BARD1: variants seen among roughly 807,000 people sequenced by gnomAD.
BARD1 encodes the protein BRCA1-associated RING domain protein 1.
Under a neutral mutation model 77.0 loss-of-function variants are expected in BARD1, and 73 were observed. The ratio of observed to expected loss-of-function variants is 0.95; its 90% CI spans 0.79 to 1.15. The LOEUF is 1.15. Ranked by LOEUF, BARD1 falls within the 50% of genes most tolerant of loss-of-function variation. The probability of loss-of-function intolerance (pLI) is 0.00; values close to 1 mark genes in which losing one functional copy is unlikely to be tolerated. For synonymous variants in BARD1, 384 were observed against 338.0 expected (o/e 1.14, Z -1.49); for missense variants, 993 against 938.8 (o/e 1.06, Z -0.75).
intron 2 of BARD1, among the ~76,000 whole-genome samples, chr2:214,795,673 T>G (rs1048341289): frequency 1.3e-5 from 2 of 151,708 alleles, no homozygotes; most frequent in African/African-American, 4.8e-5. Flanking sequence ...AGAAAAAAGG[T>G]GGAAAAATTC....
At chr2:214,774,730 C>T (rs1205258975) in intron 4 of BARD1, among the ~76,000 whole-genome samples, 1 of 152,190 alleles carries the variant, frequency 6.6e-6, no homozygotes, top group African/African-American at 2.4e-5. Context: ...ACACAGATGG[C>T]ATATTCTTCC....
chr2:214,790,186 G>A lies in BARD1; in HGVS notation c.364+2111C>T, dbSNP rs192230185. 1.6e-4 allele frequency among the ~76,000 whole-genome samples: 24 copies of A among 152,038 alleles called. 1 individual carries two copies. The highest frequency in any genetic ancestry group is 8.5e-4 in the Admixed American group (13 of 15,274). On this transcript the variant is annotated intron_variant, in intron 3 of 10. Coordinates refer to ENST00000260947, the MANE Select transcript of BARD1 (RefSeq NM_000465.4). Reference sequence around the variant, plus strand: ...CCTATGGTATGCCATAACTGACAACGGTAAATCCATCAAGGGTTACCCTGC... The same window carrying A: ...CCTATGGTATGCCATAACTGACAACAGTAAATCCATCAAGGGTTACCCTGC...
At chr2:214,778,608 C>A (rs1453937978) in intron 4 of BARD1, among the ~76,000 whole-genome samples, 1 of 152,068 alleles carries the variant, frequency 6.6e-6, no homozygotes, top group Non-Finnish European at 1.5e-5. Flanking sequence ...CATGCCTAGA[C>A]CAAGAGTAGG....
chr2:214,731,208 T>C lies in BARD1; in HGVS notation c.1904-700A>G, dbSNP rs1197813537. 1.5e-5 allele frequency: 3 copies of C among 201,606 alleles called. No individual in the cohort carries two copies. In the East Asian group the frequency reaches 3.7e-4, roughly 25 times the overall value. The allele number at this position is 201,606 out of a possible 1,614,324, so 12.5% of individuals were successfully genotyped here. A position where few individuals can be genotyped will look rare whatever the true frequency, so the allele number is the denominator to read the frequency against. ...GCTTCAGGTTAAAAAGCAAAAGCAA[T>C]AGAGACAGCTCAGCCTGGCACTGTT... On this transcript the variant is annotated intron_variant, in intron 9 of 10. Transcript: ENST00000260947.
At chr2:214,750,265 C>A (rs1693344435) in intron 7 of BARD1, among the ~76,000 whole-genome samples, 1 of 152,160 alleles carries the variant, frequency 6.6e-6, no homozygotes, top group Admixed American at 6.5e-5. Context: ...TCCCAATCAG[C>A]CTTCAGTCTC....
chr2:214,738,784 C>T (rs769862644), intron 9 of BARD1, among the ~76,000 whole-genome samples: 1 of 152,142 alleles, frequency 6.6e-6, no homozygotes, highest in Non-Finnish European at 1.5e-5. Flanking sequence ...ATTAACTCTG[C>T]ATGGAAAGCC....
At chr2:214,751,091 G>C (rs1340600148) in intron 7 of BARD1, among the ~76,000 whole-genome samples, 83 of 5,606 alleles carry the variant, frequency 0.015, 3 homozygotes, top group Admixed American at 0.067. Context: ...GTGTGTGTGT[G>C]TGTGTGTGTG....
Position 214,728,501 on chromosome 2 carries a change from G to A in BARD1, c.*175C>T, listed in dbSNP as rs1411601106. ...TTAAAAGCAATCCCAGCTTCTAAATGGTAAACATAACATGAATTCCTAATC... is the reference window on the plus strand; with the variant it reads ...TTAAAAGCAATCCCAGCTTCTAAATAGTAAACATAACATGAATTCCTAATC... On this transcript the variant is annotated 3_prime_UTR_variant, in exon 11 of 11. Transcript: ENST00000260947. The A allele has an allele frequency of 1.2e-5, 8 of 667,782 alleles. No homozygotes were observed. In the South Asian group the frequency reaches 1.2e-4, roughly 10 times the overall value. 41.4% of individuals were successfully genotyped at this position (667,782 alleles called of 1,614,324 possible).
In BARD1 at chr2:214,767,652, A is replaced by T; in HGVS notation, c.1398T>A (p.His466Gln). 1 of 1,613,912 alleles carries T rather than the reference A, an allele frequency of 6.2e-7. No homozygotes were observed. ...TCAGGTGCCCATGATTGCAAGCTTC[A>T]TGCTAATTAAATTTTTTGAAAAAGA... ...VKDHAGWTPLHEACNHGHLKV... is the reference protein window; with the variant it reads ...VKDHAGWTPLQEACNHGHLKV... The change falls in exon 6 of 11, where the codon CAT (histidine) becomes CAA (glutamine). Residue 466 changes from histidine to glutamine, a missense_variant and splice_region_variant. Transcript: ENST00000260947.
intron 10 of BARD1, 60 bp from the exon 11 acceptor site, chr2:214,729,068 G>A: frequency 1.4e-6 from 2 of 1,472,900 alleles, no homozygotes; most frequent in Non-Finnish European, 1.9e-6. Flanking sequence ...CAAAAACACT[G>A]TATATGAATG....
chr2:214,780,803 T>G lies in BARD1; in HGVS notation c.1071A>C (p.Ile357=), dbSNP rs786202366. The change falls in exon 4 of 11, where the codon ATA becomes ATC. Residue 357 remains isoleucine (I), a synonymous_variant. Transcript: ENST00000260947. ...FVKQTVPSEN[I]PLPECSSPPS... is the part of the protein sequence containing the mutation. The stretch of plus-strand genomic sequence containing the variant: ...GTGGTGAAGAACATTCAGGCAATGG[T>G]ATATTTTCTGAGGGCACCGTTTGCT... 1.2e-6 allele frequency: 2 copies of G among 1,614,014 alleles called. No individual in the cohort carries two copies. Among genetic ancestry groups the G allele is most frequent in the Non-Finnish European group, 1.7e-6 (2 of 1,179,950 alleles).
At chr2:214,741,752 G>A (rs1042587571) in intron 9 of BARD1, among the ~76,000 whole-genome samples, 4 of 152,146 alleles carry the variant, frequency 2.6e-5, no homozygotes, top group African/African-American at 7.2e-5. Flanking sequence ...TGGATGGTCT[G>A]TAAAATTATG....
intron 1 of BARD1, among the ~76,000 whole-genome samples, chr2:214,805,036 C>G (rs1696205436): frequency 2.0e-5 from 3 of 152,180 alleles, no homozygotes; most frequent in Non-Finnish European, 1.5e-5. Context: ...TGGCGCTCAC[C>G]TGTAATCCCA....
In BARD1 at chr2:214,745,776, T is replaced by C. The variant is rs1409774815; in HGVS notation, c.1756A>G (p.Ser586Gly). Residue 586 changes from serine to glycine, a missense_variant, in exon 8 of 11, where the codon AGT becomes GGT. Ser to Gly is a moderately conservative substitution (Grantham distance 56, BLOSUM62 0). Transcript: ENST00000260947. ...GCCTTAAGAATTACTGCAAGCTCAC[T>C]GAGCATTTTCTGTTGTTCTGAAGAC... is the stretch of plus-strand genomic sequence containing the variant. ...GLSSEQQKML[S>G]ELAVILKAKK... 1.2e-6 allele frequency: 2 copies of C among 1,614,004 alleles called. No homozygotes were observed. The highest frequency in any genetic ancestry group is 2.7e-5 in the African/African-American group (2 of 74,946).
chr2:214,787,427 T>C (rs1695322162), intron 3 of BARD1, among the ~76,000 whole-genome samples: 1 of 151,942 alleles, frequency 6.6e-6, no homozygotes, highest in East Asian at 1.9e-4. Context: ...CAAAGATGAC[T>C]GTATATTCTG....
At position 214,728,997 on chromosome 2, in the gene BARD1, C is replaced by T. The variant is rs759021562; in HGVS notation, c.2013G>A (p.Leu671=). ...ACAAATAGAAGTAGCATCCATCAAA[C>T]AGCTTTGGCAACTGAAATAATGAGA... ...RLNREQLLPK[L]FDGCYFYLWG... The change falls in exon 11 of 11, where the codon CTG becomes CTA. Residue 671 remains leucine (L), a synonymous_variant. Transcript: ENST00000260947. The T allele has an allele frequency of 1.6e-5, 26 of 1,614,002 alleles. No individual in the cohort carries two copies. Among genetic ancestry groups the T allele is most frequent in the Non-Finnish European group, 2.2e-5 (26 of 1,180,012 alleles).
At chr2:214,771,419 AT>A (rs928372760) in intron 4 of BARD1, among the ~76,000 whole-genome samples, 9 of 151,180 alleles carry the variant, frequency 6.0e-5, no homozygotes, top group East Asian at 3.9e-4. Flanking sequence ...ATAATATTTG[AT>A]TTTTTTTTCT....
chr2:214,759,840 T>C (rs1693867931), intron 6 of BARD1, among the ~76,000 whole-genome samples: 1 of 152,212 alleles, frequency 6.6e-6, no homozygotes, highest in East Asian at 1.9e-4. Flanking sequence ...ATAGTGAAGA[T>C]GGCAAATAAA....
At chr2:214,745,583 TTA>T (rs1237278987) in intron 8 of BARD1, 137 bp downstream of exon 8, 2 of 1,059,434 alleles carry the variant, frequency 1.9e-6, no homozygotes, top group Non-Finnish European at 2.8e-6. Flanking sequence ...GAAAAAAAAT[TTA>T]GATGTATTAC....
Sources: gnomAD v4.1 joint callset for allele counts (sites outside exome capture counted in the v4.1 genomes callset) on GRCh38, gnomAD v4.1.1 for gene constraint, MANE v1.5 for transcripts, NCBI Gene and HGNC (gene_info 2026-07-23, HGNC 2026-07-21) for gene names.